Variants in ZNF469 observed in about 807,000 individuals in gnomAD.
ZNF469 encodes zinc finger protein 469.
A neutral mutation model predicts 1.0 loss-of-function variants in ZNF469; 1 was observed. That is an observed-to-expected ratio of 1.00 (90% CI 0.35 to 4.73). ZNF469 has a LOEUF of 4.73. Among genes scored for constraint, ZNF469 ranks in the 30% most tolerant of loss-of-function variants. The probability of loss-of-function intolerance (pLI) is 0.16; values close to 1 mark genes in which losing one functional copy is unlikely to be tolerated. For missense variants in ZNF469, 6,100 were observed against 5,356.3 expected (o/e 1.14, Z -4.33); for synonymous variants, 2,703 against 2,363.4 (o/e 1.14, Z -4.17).
chr16:88,112,675 G>A, the ZNF469 span, among the ~76,000 whole-genome samples: 2 of 150,742 alleles, frequency 1.3e-5, no homozygotes, highest in Non-Finnish European at 3.0e-5. Flanking sequence ...ATATGTTCTG[G>A]TTATGAATCC....
At chr16:88,338,722 G>T in the ZNF469 span, among the ~76,000 whole-genome samples, 1 of 152,194 alleles carries the variant, frequency 6.6e-6, no homozygotes, top group East Asian at 1.9e-4. Context: ...TATCAGAAGG[G>T]GGGATATGGG....
At chr16:88,245,880 G>C in the ZNF469 span, among the ~76,000 whole-genome samples, 1 of 152,282 alleles carries the variant, frequency 6.6e-6, no homozygotes, top group Non-Finnish European at 1.5e-5. Context: ...GGTGACAAAG[G>C]CAGCCGAACA....
At chr16:88,414,025 G>A (rs1236101360) in intron 1 of ZNF469, among the ~76,000 whole-genome samples, 2 of 151,508 alleles carry the variant, frequency 1.3e-5, no homozygotes, top group Non-Finnish European at 2.9e-5. Context: ...GAGCCGTCTG[G>A]GACCCTCAGC....
chr16:88,256,795 C>T, the ZNF469 span, among the ~76,000 whole-genome samples: 3 of 152,028 alleles, frequency 2.0e-5, no homozygotes, highest in Admixed American at 6.6e-5. Flanking sequence ...ATTTGCATTT[C>T]CCTGATGACA....
At chr16:88,197,399 C>G in the ZNF469 span, among the ~76,000 whole-genome samples, 2 of 152,208 alleles carry the variant, frequency 1.3e-5, no homozygotes, top group Non-Finnish European at 2.9e-5. Flanking sequence ...CTTAATATTT[C>G]TATTCTCAGT....
chr16:88,243,215 G>A, the ZNF469 span, among the ~76,000 whole-genome samples: 1 of 152,328 alleles, frequency 6.6e-6, no homozygotes, highest in East Asian at 1.9e-4. Context: ...GCACCCACCT[G>A]AGATAGTCAG....
At chr16:88,175,441 T>C in the ZNF469 span, among the ~76,000 whole-genome samples, 22 of 152,348 alleles carry the variant, frequency 1.4e-4, no homozygotes, top group South Asian at 4.1e-4. Flanking sequence ...TTCTGGGCCA[T>C]GAAATAGATA....
At chr16:88,300,437 G>A in the ZNF469 span, among the ~76,000 whole-genome samples, 2 of 152,094 alleles carry the variant, frequency 1.3e-5, no homozygotes, top group African/African-American at 4.8e-5. Flanking sequence ...GTGAAAACCT[G>A]CGTGTGACGG....
At chr16:88,372,245 C>T in the ZNF469 span, among the ~76,000 whole-genome samples, 2 of 151,628 alleles carry the variant, frequency 1.3e-5, no homozygotes, top group African/African-American at 4.9e-5. Flanking sequence ...ATCACCATCA[C>T]CATCATCCCC....
At chr16:88,170,003 G>A in the ZNF469 span, among the ~76,000 whole-genome samples, 1 of 152,150 alleles carries the variant, frequency 6.6e-6, no homozygotes, top group East Asian at 1.9e-4. The surrounding 1 kb of genome is among the most constrained non-coding windows in gnomAD (Gnocchi z 4.2). Flanking sequence ...TGCATTTATG[G>A]GGGGCATGGT....
the ZNF469 span, among the ~76,000 whole-genome samples, chr16:88,270,938 C>A: frequency 2.0e-5 from 3 of 152,316 alleles, no homozygotes; most frequent in African/African-American, 7.2e-5. Context: ...AGGTGTGGGT[C>A]CCCCCTCTCG....
At chr16:88,335,985 C>T in the ZNF469 span, among the ~76,000 whole-genome samples, 1 of 151,646 alleles carries the variant, frequency 6.6e-6, no homozygotes, top group Non-Finnish European at 1.5e-5. Context: ...ATGTGAGACA[C>T]TGATGCACCA....
At chr16:88,262,186 A>C in the ZNF469 span, among the ~76,000 whole-genome samples, 1 of 152,196 alleles carries the variant, frequency 6.6e-6, no homozygotes, top group African/African-American at 2.4e-5. This position sits in a 1 kb window ranked among gnomAD's most constrained non-coding sequence, Gnocchi z 4.3. Context: ...GATTGGGGGA[A>C]TCTGAGGGAA....
chr16:88,185,530 G>A, the ZNF469 span, among the ~76,000 whole-genome samples: 2 of 148,562 alleles, frequency 1.3e-5, no homozygotes, highest in African/African-American at 5.0e-5. Flanking sequence ...CATGTGACCA[G>A]ACCCACACCC....
Position 88,431,428 on chromosome 16 carries a change from C to T in ZNF469, c.3958C>T (p.Pro1320Ser). The change falls in exon 3 of 3, where the codon CCT (proline) becomes TCT (serine). Residue 1320 changes from proline (P) to serine (S), a missense_variant. Physicochemically the swap from Pro to Ser is moderately conservative, Grantham distance 74 (BLOSUM62 -1). Coordinates refer to ENST00000565624, the MANE Select transcript of ZNF469 (RefSeq NM_001367624.2). ...AGTCTCCCACAACAGCAAGGACCCC[C>T]CTGCCCGCCAGCCTGGAGAATTTCT... is the stretch of plus-strand genomic sequence containing the variant. ...APVSHNSKDPPARQPGEFLAP... is the reference protein window; with the variant it reads ...APVSHNSKDPSARQPGEFLAP... 1.3e-6 allele frequency: 2 copies of T among 1,550,374 alleles called. No individual in the cohort carries two copies. Among genetic ancestry groups the T allele is most frequent in the East Asian group, 4.9e-5 (2 of 40,918 alleles).
intron 1 of ZNF469, among the ~76,000 whole-genome samples, chr16:88,395,166 G>A (rs1282156661): frequency 6.6e-6 from 1 of 152,174 alleles, no homozygotes; most frequent in African/African-American, 2.4e-5. Flanking sequence ...TATGGCCATG[G>A]ACAGCCAGCC....
chr16:88,133,455 G>A, the ZNF469 span, among the ~76,000 whole-genome samples: 91 of 152,174 alleles, frequency 6.0e-4, no homozygotes, highest in South Asian at 0.012. Flanking sequence ...AATGGCAGAC[G>A]CCGCCTGGGG....
chr16:88,172,901 G>A, the ZNF469 span, among the ~76,000 whole-genome samples: 2 of 152,302 alleles, frequency 1.3e-5, no homozygotes, highest in African/African-American at 4.8e-5. Flanking sequence ...TATAGCTATA[G>A]AAACTGTTCG....
chr16:88,399,168 G>A (rs1303166266), intron 1 of ZNF469, among the ~76,000 whole-genome samples: 1 of 152,210 alleles, frequency 6.6e-6, no homozygotes. Flanking sequence ...AGCCCACTGG[G>A]CCCAAGAGGC....
Sources: allele counts gnomAD v4.1 joint callset (sites outside exome capture counted in the v4.1 genomes callset), GRCh38; gene constraint gnomAD v4.1.1; non-coding constraint Gnocchi (gnomAD v3.1); transcripts MANE v1.5; gene names NCBI Gene and HGNC (gene_info 2026-07-23, HGNC 2026-07-21).